FOCAD: variants seen among roughly 807,000 people sequenced by gnomAD.
The protein encoded by FOCAD is focadhesin, also known as KIAA1797.
A neutral mutation model predicts 225.6 loss-of-function variants in FOCAD; 198 were observed. The observed-to-expected ratio is 0.88, with a 90% CI of 0.78 to 0.99. The LOEUF is 0.99. FOCAD is among the 50% of genes least tolerant of loss of function. The pLI is 0.00. For missense variants in FOCAD, 2,713 were observed against 2,123.6 expected (o/e 1.28, Z -5.46); for synonymous variants, 897 against 755.0 (o/e 1.19, Z -3.08).
chr9:20,840,584 T>G (rs1826421812), intron 15 of FOCAD, among the ~76,000 whole-genome samples: 1 of 149,136 alleles, frequency 6.7e-6, no homozygotes, highest in Admixed American at 6.7e-5. Flanking sequence ...GAAATGCCAC[T>G]GATTTTTTAA....
intron 9 of FOCAD, among the ~76,000 whole-genome samples, chr9:20,781,360 G>T (rs972938521): frequency 5.3e-5 from 8 of 152,210 alleles, no homozygotes; most frequent in Non-Finnish European, 8.8e-5. Context: ...AAGGAAGCAT[G>T]TATGTTGGGC....
chr9:20,866,367 G>T (rs925961306), intron 17 of FOCAD, among the ~76,000 whole-genome samples: 1 of 151,924 alleles, frequency 6.6e-6, no homozygotes, highest in Admixed American at 6.6e-5. Flanking sequence ...GAGACTGCTG[G>T]TGATGTTATA....
intron 4 of FOCAD, among the ~76,000 whole-genome samples, chr9:20,727,747 T>A (rs1162578882): frequency 6.6e-6 from 1 of 152,228 alleles, no homozygotes. Context: ...TGAATTATCT[T>A]GTTCAGGGGT....
intron 28 of FOCAD, among the ~76,000 whole-genome samples, chr9:20,937,558 C>T (rs1836121939): frequency 6.6e-6 from 1 of 151,712 alleles, no homozygotes; most frequent in African/African-American, 2.4e-5. Context: ...CCCTTCCTTA[C>T]ACCTTATACA....
intron 14 of FOCAD, 96 bp from the exon 15 acceptor site, chr9:20,822,893 T>TAA: frequency 6.6e-6 from 8 of 1,212,596 alleles, no homozygotes; most frequent in Non-Finnish European, 8.8e-6. Context: ...CACAAGAGTA[T>TAA]AGAAAATGAT....
At position 20,986,283 on chromosome 9, in the gene FOCAD, T is replaced by TTTTTTTTTTTTTTTTTTTTTTTTTTTAA; in HGVS notation, c.4729-5_4729-4insTTTTTTTTTTTTTTTTTTTTTTTTTTAA. ...ACTAAACAATTTTTTTTTTTTTTTT[T>TTTTTTTTTTTTTTTTTTTTTTTTTTTAA]GCAGAGCAACATAGAAAAAGCTGCC... On this transcript the variant is annotated splice_polypyrimidine_tract_variant and splice_region_variant and intron_variant, in intron 39 of 43. Coordinates refer to ENST00000338382, the MANE Select transcript of FOCAD (RefSeq NM_001375567.1). 1.4e-6 allele frequency: 2 copies of TTTTTTTTTTTTTTTTTTTTTTTTTTTAA among 1,476,884 alleles called. No homozygotes were observed. Among genetic ancestry groups the TTTTTTTTTTTTTTTTTTTTTTTTTTTAA allele is most frequent in the Non-Finnish European group, 1.8e-6 (2 of 1,113,550 alleles). The allele number at this position is 1,476,884 out of a possible 1,614,324, so 91.5% of individuals were successfully genotyped here. A position where few individuals can be genotyped will look rare whatever the true frequency, so the allele number is the denominator to read the frequency against.
At chr9:20,779,973 G>A (rs1819207393) in intron 9 of FOCAD, among the ~76,000 whole-genome samples, 1 of 152,038 alleles carries the variant, frequency 6.6e-6, no homozygotes, top group Non-Finnish European at 1.5e-5. Flanking sequence ...AGTCTGATCC[G>A]GTTTTTGCCT....
At chr9:20,860,177 G>C (rs529395517) in intron 15 of FOCAD, among the ~76,000 whole-genome samples, 1 of 152,148 alleles carries the variant, frequency 6.6e-6, no homozygotes, top group African/African-American at 2.4e-5. Context: ...TACAGTTATT[G>C]AAACTAGGAA....
rs1828032932 is a variant in FOCAD at position 20,855,090 on chromosome 9, A to G, written c.1921-7488A>G. On this transcript the variant is annotated intron_variant, in intron 15 of 43. Transcript: ENST00000338382. ...ATATCTGGAAGAATGCAAGCATTAAACCATAAAAACTATAGTCTAACAAAT... is the reference window on the plus strand; with the variant it reads ...ATATCTGGAAGAATGCAAGCATTAAGCCATAAAAACTATAGTCTAACAAAT... Among the ~76,000 whole-genome samples the G allele has an allele frequency of 3.3e-5, 5 of 151,784 alleles. No homozygotes were observed. The South Asian group carries it at 8.3e-4, about 25-fold the overall frequency.
intron 37 of FOCAD, among the ~76,000 whole-genome samples, chr9:20,980,505 A>ACAG (rs35451972): frequency 6.6e-6 from 1 of 152,178 alleles, no homozygotes; most frequent in Non-Finnish European, 1.5e-5. Context: ...TTGGTTAATA[A>ACAG]ATTAAGTTTG....
At chr9:20,678,171 G>A (rs1006330068) in intron 2 of FOCAD, among the ~76,000 whole-genome samples, 2 of 152,098 alleles carry the variant, frequency 1.3e-5, no homozygotes, top group African/African-American at 4.8e-5. Flanking sequence ...ACATTACTGA[G>A]TCACATAAAA....
intron 35 of FOCAD, among the ~76,000 whole-genome samples, chr9:20,969,184 G>A (rs1236657261): frequency 6.6e-6 from 1 of 152,106 alleles, no homozygotes; most frequent in Non-Finnish European, 1.5e-5. Context: ...TTTGTGGTCT[G>A]ACATGTGGTA....
At chr9:20,792,629 TTC>T (rs1406190867) in intron 11 of FOCAD, among the ~76,000 whole-genome samples, 1 of 152,234 alleles carries the variant, frequency 6.6e-6, no homozygotes, top group African/African-American at 2.4e-5. Flanking sequence ...GTATTTTATT[TTC>T]TTTTTACATT....
chr9:20,721,080 A>C (rs1181649517), intron 4 of FOCAD, among the ~76,000 whole-genome samples: 2 of 152,240 alleles, frequency 1.3e-5, no homozygotes, highest in African/African-American at 2.4e-5. Context: ...GTAATAGGAC[A>C]ATAAGGAATA....
intron 8 of FOCAD, among the ~76,000 whole-genome samples, chr9:20,771,974 T>G (rs1304261969): frequency 2.0e-5 from 3 of 152,162 alleles, no homozygotes; most frequent in Non-Finnish European, 4.4e-5. Context: ...TTAACCTTAA[T>G]GACTTCCTTA....
chr9:20,993,608 T>G (rs1010187731), intron 43 of FOCAD, among the ~76,000 whole-genome samples: 2 of 152,234 alleles, frequency 1.3e-5, no homozygotes, highest in Non-Finnish European at 2.9e-5. Context: ...ATATTTTTAG[T>G]AATTTTGTAC....
chr9:20,721,077 G>A (rs1442700316), intron 4 of FOCAD, among the ~76,000 whole-genome samples: 2 of 152,150 alleles, frequency 1.3e-5, no homozygotes, highest in Non-Finnish European at 2.9e-5. Context: ...GAGGTAATAG[G>A]ACAATAAGGA....
chr9:20,695,195 A>C (rs1823261419), intron 1 of FOCAD, among the ~76,000 whole-genome samples: 1 of 151,270 alleles, frequency 6.6e-6, no homozygotes, highest in Non-Finnish European at 1.5e-5. Context: ...TTAGTGGCAA[A>C]TTTTTTTTTA....
intron 4 of FOCAD, among the ~76,000 whole-genome samples, chr9:20,721,476 C>T (rs538304052): frequency 2.0e-5 from 3 of 152,010 alleles, no homozygotes; most frequent in South Asian, 2.1e-4. Context: ...CTGAGGCGGG[C>T]GGATCACCTG....
Sources: gnomAD v4.1 joint callset for allele counts (sites outside exome capture counted in the v4.1 genomes callset) on GRCh38, gnomAD v4.1.1 for gene constraint, MANE v1.5 for transcripts, NCBI Gene and HGNC (gene_info 2026-07-23, HGNC 2026-07-21) for gene names.